The following WNT5A variants were observed in gnomAD, a reference collection of about 807,000 sequenced individuals.
The protein encoded by WNT5A is Wnt family member 5A, also known as protein Wnt-5a.
WNT5A carries 9 observed loss-of-function variants against 42.1 expected under a neutral mutation model. That is an observed-to-expected ratio of 0.21 (90% CI 0.13 to 0.37). WNT5A has a LOEUF of 0.37. Among genes scored for constraint, WNT5A ranks in the 10% least tolerant of loss-of-function variants. The pLI, the probability that WNT5A is intolerant of heterozygous loss-of-function variation, is 1.00. For synonymous variants in WNT5A, 210 were observed against 210.0 expected (o/e 1.00, Z 0.00); for missense variants, 426 against 534.0 (o/e 0.80, Z 1.99).
chr3:55,495,992 T>G, the WNT5A span, among the ~76,000 whole-genome samples: 1 of 152,212 alleles, frequency 6.6e-6, no homozygotes, highest in African/African-American at 2.4e-5. Flanking sequence ...TTTTTAACTT[T>G]TCAAGAATTT....
intron 3 of WNT5A, among the ~76,000 whole-genome samples, chr3:55,478,741 C>G (rs944113660): frequency 6.6e-6 from 1 of 152,074 alleles, no homozygotes; most frequent in Non-Finnish European, 1.5e-5. Context: ...CAATTGCTGA[C>G]ATCACAAACA....
intron 1 of WNT5A, among the ~76,000 whole-genome samples, chr3:55,485,745 A>T (rs2106997956): frequency 6.6e-6 from 1 of 152,264 alleles, no homozygotes; most frequent in African/African-American, 2.4e-5. Flanking sequence ...ACCCATTTAA[A>T]GAGAGAAGAG....
At position 55,479,693 on chromosome 3, in the gene WNT5A, A is replaced by T. The variant is rs532253825; in HGVS notation, c.141-129T>A. Reference sequence around the variant, plus strand: ...TTCTCTCCTGCTTGTCCTCATGACAAAGTATGAGAAGGGCTTCATAAAACT... The same window carrying T: ...TTCTCTCCTGCTTGTCCTCATGACATAGTATGAGAAGGGCTTCATAAAACT... On this transcript the variant is annotated intron_variant, in intron 2 of 4. Coordinates refer to ENST00000264634, the MANE Select transcript of WNT5A (RefSeq NM_003392.7). 6 of 1,282,206 alleles carry T rather than the reference A, an allele frequency of 4.7e-6. No homozygotes were observed. In the East Asian group the frequency reaches 1.4e-4, roughly 30 times the overall value. The allele number at this position is 1,282,206 out of a possible 1,614,324, so 79.4% of individuals were successfully genotyped here. A position where few individuals can be genotyped will look rare whatever the true frequency, so the allele number is the denominator to read the frequency against.
chr3:55,474,666 T>C, intron 3 of WNT5A, 37 bp from the exon 4 acceptor site: 1 of 1,105,686 alleles, frequency 9.0e-7, no homozygotes, highest in Non-Finnish European at 1.1e-6. Context: ...GCCGCCTGCC[T>C]CACGCGCTGG....
At chr3:55,475,749 A>G (rs965789581) in intron 3 of WNT5A, among the ~76,000 whole-genome samples, 5 of 152,154 alleles carry the variant, frequency 3.3e-5, no homozygotes, top group Non-Finnish European at 5.9e-5. Context: ...AGTAAAGAAT[A>G]TCTCCCCATA....
chr3:55,491,856 G>A (rs1461865386), upstream of WNT5A, among the ~76,000 whole-genome samples: 1 of 152,250 alleles, frequency 6.6e-6, no homozygotes, highest in African/African-American at 2.4e-5. Flanking sequence ...GCAGGGCTGT[G>A]TGAGCAGGGC....
chr3:55,470,979 C>G (rs1260318647), intron 4 of WNT5A, among the ~76,000 whole-genome samples: 1 of 152,086 alleles, frequency 6.6e-6, no homozygotes, highest in East Asian at 1.9e-4. Flanking sequence ...GAGAGATGAG[C>G]CACTCACCCA....
the WNT5A span, among the ~76,000 whole-genome samples, chr3:55,504,760 G>A: frequency 2.9e-4 from 44 of 152,280 alleles, no homozygotes; most frequent in African/African-American, 5.3e-4. Context: ...CACTGTGCCC[G>A]GCCTAGGCTA....
At position 55,479,278 on chromosome 3, in the gene WNT5A, T is replaced by C. The variant is rs576497533; in HGVS notation, c.391+36A>G. On this transcript the variant is annotated intron_variant, in intron 3 of 4. Transcript: ENST00000264634. ...AAGGATTTCTTCTAGGAAAAAAAGT[T>C]AATGTTTTAAAAAAATATTTTAAAT... 5.4e-5 allele frequency: 78 copies of C among 1,453,310 alleles called. No individual in the cohort carries two copies. In the South Asian group the frequency reaches 1.0e-3, roughly 19 times the overall value. 90.0% of individuals were successfully genotyped at this position (1,453,310 alleles called of 1,614,324 possible).
intron 3 of WNT5A, among the ~76,000 whole-genome samples, chr3:55,476,625 T>A (rs2051363543): frequency 6.6e-6 from 1 of 152,232 alleles, no homozygotes; most frequent in East Asian, 1.9e-4. Flanking sequence ...TCTTTTTTCA[T>A]AAGTCTATCT....
At chr3:55,493,411 C>T (rs2107044139), upstream of WNT5A, among the ~76,000 whole-genome samples, 1 of 152,348 alleles carries the variant, frequency 6.6e-6, no homozygotes, top group Non-Finnish European at 1.5e-5. Flanking sequence ...TCATTGTACA[C>T]ATCAGTCTCA....
rs185123023 is a variant in WNT5A, at chr3:55,474,884, G to T, written c.392-255C>A. On this transcript the variant is annotated intron_variant, in intron 3 of 4. Transcript: ENST00000264634. The stretch of plus-strand genomic sequence containing the variant: ...ATAGTGGGGAGGTAGAAGGTGGGGG[G>T]CAGGTAGGGCTGGGGGGAGGTTGGG... Among the ~76,000 whole-genome samples the T allele has an allele frequency of 1.3e-3, 153 of 120,060 alleles. 5 individuals are homozygous for T. In the East Asian group the frequency reaches 0.044, roughly 35 times the overall value. The allele number at this position is 120,060 out of a possible 152,430, so 78.8% of individuals were successfully genotyped here.
At chr3:55,480,642 CTA>C (rs1331837540) in intron 2 of WNT5A, 141 bp downstream of exon 2, 1 of 872,456 alleles carries the variant, frequency 1.1e-6, no homozygotes, top group Non-Finnish European at 1.6e-6. Context: ...TGATTTAAAA[CTA>C]TATATAAGTA....
At chr3:55,496,977 T>G in the WNT5A span, among the ~76,000 whole-genome samples, 4 of 152,228 alleles carry the variant, frequency 2.6e-5, no homozygotes, top group African/African-American at 9.6e-5. Context: ...TCAACAGATA[T>G]TTACGGGTCA....
chr3:55,479,421 T>C lies in WNT5A; in HGVS notation c.284A>G (p.Glu95Gly). The C allele has an allele frequency of 6.2e-7, 1 of 1,614,024 alleles. No individual in the cohort carries two copies. Among genetic ancestry groups the C allele is most frequent in the Non-Finnish European group, 8.5e-7 (1 of 1,179,884 alleles). ...TTCTTTGATGCCTGTCTTCGCGCCT[T>C]CTCCGATGTACTGCATGTGGTCCTG... ...LYQDHMQYIGEGAKTGIKECQ... is the reference protein window; with the variant it reads ...LYQDHMQYIGGGAKTGIKECQ... Residue 95 changes from glutamate (E) to glycine (G), a missense_variant, in exon 3 of 5, where the codon GAA (glutamate) becomes GGA (glycine). By Grantham distance (98) the Glu-to-Gly change is moderately conservative (BLOSUM62 -2). Coordinates refer to ENST00000264634, the MANE Select transcript of WNT5A (RefSeq NM_003392.7).
At chr3:55,476,378 G>C (rs1353357167) in intron 3 of WNT5A, among the ~76,000 whole-genome samples, 1 of 152,204 alleles carries the variant, frequency 6.6e-6, no homozygotes, top group East Asian at 1.9e-4. Context: ...CGGGATTAGA[G>C]AGGCAGAGCA....
At chr3:55,492,101 T>G (rs1418937085), upstream of WNT5A, among the ~76,000 whole-genome samples, 2 of 152,226 alleles carry the variant, frequency 1.3e-5, no homozygotes, top group African/African-American at 4.8e-5. Flanking sequence ...CCTAACTTAC[T>G]TATGTGTTAT....
chr3:55,504,673 A>G, the WNT5A span, among the ~76,000 whole-genome samples: 1 of 152,188 alleles, frequency 6.6e-6, no homozygotes, highest in Non-Finnish European at 1.5e-5. Context: ...CATGTTGGTC[A>G]GGCTGGTCTC....
chr3:55,501,302 AC>A, the WNT5A span, among the ~76,000 whole-genome samples: 1 of 152,236 alleles, frequency 6.6e-6, no homozygotes, highest in Admixed American at 6.5e-5. Flanking sequence ...GTCCAAACTG[AC>A]ATCAGATTTT....
Sources: gnomAD v4.1 joint callset for allele counts (sites outside exome capture counted in the v4.1 genomes callset) on GRCh38, gnomAD v4.1.1 for gene constraint, MANE v1.5 for transcripts, NCBI Gene and HGNC (gene_info 2026-07-23, HGNC 2026-07-21) for gene names.